The following HSPG2 variants were observed in gnomAD, a reference collection of about 807,000 sequenced individuals.
The protein encoded by HSPG2 is basement membrane-specific heparan sulfate proteoglycan core protein.
A neutral mutation model predicts 526.6 loss-of-function variants in HSPG2; 278 were observed. The ratio of observed to expected loss-of-function variants is 0.53; its 90% CI spans 0.48 to 0.58. The LOEUF (loss-of-function observed/expected upper bound fraction) is 0.58, where lower values mean the gene tolerates loss of function less well. Ranked by LOEUF, HSPG2 falls within the 20% of genes least tolerant of loss-of-function variation. The pLI, the probability that HSPG2 is intolerant of heterozygous loss-of-function variation, is 0.00. For synonymous variants in HSPG2, 2,465 were observed against 2,555.4 expected (o/e 0.96, Z 1.07); for missense variants, 5,354 against 6,099.5 (o/e 0.88, Z 4.07).
chr1:21,888,175 C>T, intron 6 of HSPG2, 109 bp from the exon 7 acceptor site: 4 of 1,480,886 alleles, frequency 2.7e-6, no homozygotes, highest in South Asian at 1.2e-5. Flanking sequence ...TGTCAGGCAG[C>T]TCGGTTTCTG....
chr1:21,829,343 C>G, intron 87 of HSPG2, 40 bp downstream of exon 87: 1 of 1,590,328 alleles, frequency 6.3e-7, no homozygotes, highest in Non-Finnish European at 8.6e-7. Context: ...GGGCACAAGG[C>G]TTGGTGTGCA....
At chr1:21,823,965 G>A (rs1284051114) in intron 95 of HSPG2, 156 bp downstream of exon 95, 4 of 838,678 alleles carry the variant, frequency 4.8e-6, no homozygotes, top group Non-Finnish European at 7.8e-6. Context: ...AGTCCGAGAT[G>A]GAAGCCCGAG....
At position 21,876,667 on chromosome 1, in the gene HSPG2, T is replaced by C. The variant is rs1377356308; in HGVS notation, c.2686-15A>G. 1 of 1,614,112 alleles carries C rather than the reference T, an allele frequency of 6.2e-7. No individual in the cohort carries two copies. Among genetic ancestry groups the C allele is most frequent in the South Asian group, 1.1e-5 (1 of 91,082 alleles). ...ACCACATTGTTCTGCAGGCACAGAG[T>C]TGGAGCTGAAGGACAGCCCATGGGA... On this transcript the variant is annotated splice_polypyrimidine_tract_variant and intron_variant, in intron 21 of 96. Transcript: ENST00000374695.
chr1:21,918,194 G>A (rs1643933390), intron 1 of HSPG2, among the ~76,000 whole-genome samples: 1 of 152,190 alleles, frequency 6.6e-6, no homozygotes, highest in Non-Finnish European at 1.5e-5. Flanking sequence ...GCCGTGTGCA[G>A]TTGCTCACGT....
intron 1 of HSPG2, among the ~76,000 whole-genome samples, chr1:21,909,663 G>A (rs1643559738): frequency 6.6e-6 from 1 of 152,230 alleles, no homozygotes; most frequent in Non-Finnish European, 1.5e-5. Flanking sequence ...AGTGATCAAA[G>A]ATTCAGGGAG....
intron 78 of HSPG2, 60 bp from the exon 79 acceptor site, chr1:21,833,674 C>A: frequency 6.2e-7 from 1 of 1,606,176 alleles, no homozygotes; most frequent in Non-Finnish European, 8.5e-7. Flanking sequence ...GGGCCCACCT[C>A]CCATCTGTGC....
At chr1:21,841,018 T>A in intron 71 of HSPG2, 83 bp downstream of exon 71, 3 of 1,285,864 alleles carry the variant, frequency 2.3e-6, no homozygotes, top group Non-Finnish European at 3.3e-6. Context: ...CACCTGCCCA[T>A]CCACTACTAT....
At chr1:21,867,263 T>C (rs1402056259) in intron 33 of HSPG2, among the ~76,000 whole-genome samples, 1 of 151,956 alleles carries the variant, frequency 6.6e-6, no homozygotes, top group Non-Finnish European at 1.5e-5. Flanking sequence ...GCCGATTTAT[T>C]TTTTTAGAGA....
At chr1:21,907,605 C>T (rs983667591) in intron 1 of HSPG2, among the ~76,000 whole-genome samples, 1 of 152,126 alleles carries the variant, frequency 6.6e-6, no homozygotes, top group Non-Finnish European at 1.5e-5. Context: ...CTCCTCAGAG[C>T]CTCCTAGGCT....
rs1209434116 is a variant in HSPG2 at position 21,835,631 on chromosome 1, C to G, written c.10362G>C (p.Gln3454His). The G allele has an allele frequency of 6.2e-7, 1 of 1,612,346 alleles. No individual in the cohort carries two copies. The highest frequency in any genetic ancestry group is 8.5e-7 in the Non-Finnish European group (1 of 1,178,478). Residue 3454 changes from glutamine (Q) to histidine (H), a missense_variant, in exon 76 of 97, where the codon CAG becomes CAC. Physicochemically the swap from Gln to His is conservative, Grantham distance 24. Transcript: ENST00000374695. The stretch of plus-strand genomic sequence containing the variant: ...TCCCTTGGCAGCTCTGGTCCAAGTT[C>G]TGGATTCTATAAAGAAAAAATAATA... ...HSVQDGVLRI[Q>H]NLDQSCQGTY...
In HSPG2 at chr1:21,852,147, G is replaced by T. The variant is rs762580745; in HGVS notation, c.6811C>A (p.Gln2271Lys). The change falls in exon 53 of 97, where the codon CAG (glutamine) becomes AAG (lysine). Residue 2271 changes from glutamine (Q) to lysine (K), a missense_variant. Transcript: ENST00000374695. ...TLDLSCVVAG[Q>K]AHAQVTWYKR... is the part of the protein sequence containing the mutation. ...TACCATGTGACCTGGGCGTGGGCCT[G>T]CCCTGCCACCACGCAGCTCAGATCC... 1 of 1,613,760 alleles carries T rather than the reference G, an allele frequency of 6.2e-7. No individual in the cohort carries two copies. The highest frequency in any genetic ancestry group is 1.3e-5 in the African/African-American group (1 of 74,938).
chr1:21,937,027 T>C (rs1569766888), intron 1 of HSPG2, 128 bp downstream of exon 1: 1 of 231,706 alleles, frequency 4.3e-6, no homozygotes, highest in Non-Finnish European at 7.1e-6. Flanking sequence ...GGCGCCGCCG[T>C]CCCGGGCCAG....
Position 21,887,232 on chromosome 1 carries a change from G to A in HSPG2, c.1061C>T (p.Thr354Ile), listed in dbSNP as rs750220578. The change falls in exon 9 of 97, where the codon ACT becomes ATT. Residue 354 changes from threonine (T) to isoleucine (I), a missense_variant. By Grantham distance (89) the Thr-to-Ile change is moderately conservative (BLOSUM62 -1). Coordinates refer to ENST00000374695, the MANE Select transcript of HSPG2 (RefSeq NM_005529.7). The surrounding 1 kb of genome is among the most constrained non-coding windows in gnomAD (Gnocchi z 5.0). ...CDGDFDCEDR[T>I]DEANCPTKRP... ...ATACTCACGGCAGTTGGCTTCATCA[G>A]TTCGGTCCTCACAGTCAAAGTCACC... is the stretch of plus-strand genomic sequence containing the variant. The A allele has an allele frequency of 6.2e-7, 1 of 1,613,516 alleles. No individual in the cohort carries two copies. The highest frequency in any genetic ancestry group is 1.7e-5 in the Admixed American group (1 of 59,886).
intron 1 of HSPG2, among the ~76,000 whole-genome samples, chr1:21,936,207 G>A (rs1644484866): frequency 1.3e-5 from 2 of 151,998 alleles, no homozygotes; most frequent in African/African-American, 4.8e-5. Flanking sequence ...CCTGCCCACC[G>A]ACCCCACCCA....
chr1:21,828,861 C>A lies in HSPG2; in HGVS notation c.12211G>T (p.Ala4071Ser), dbSNP rs761160862. 8.4e-6 allele frequency: 13 copies of A among 1,551,420 alleles called. No homozygotes were observed. The East Asian group carries it at 2.9e-4, about 35-fold the overall frequency. ...TCGCCCACACAGCCGCGGAAGTGAGCGCTCATGTTGGTGGCCGGGGACAGT... is the reference window on the plus strand; with the variant it reads ...TCGCCCACACAGCCGCGGAAGTGAGAGCTCATGTTGGTGGCCGGGGACAGT... ...VPLSPATNMS[A>S]HFRGCVGEVS... The change falls in exon 88 of 97, where the codon GCT becomes TCT. Residue 4071 changes from alanine to serine, a missense_variant. Ala to Ser is a moderately conservative substitution (Grantham distance 99). Coordinates refer to ENST00000374695, the MANE Select transcript of HSPG2 (RefSeq NM_005529.7). This position sits in a 1 kb window ranked among gnomAD's most constrained non-coding sequence, Gnocchi z 6.0.
intron 21 of HSPG2, among the ~76,000 whole-genome samples, chr1:21,877,923 A>C (rs1263621405): frequency 6.6e-6 from 1 of 152,232 alleles, no homozygotes; most frequent in African/African-American, 2.4e-5. Context: ...TGGCAAAAGC[A>C]AAGGTACAAT....
intron 52 of HSPG2, 66 bp from the exon 53 acceptor site, chr1:21,852,299 A>C: frequency 6.3e-7 from 1 of 1,584,108 alleles, no homozygotes; most frequent in Non-Finnish European, 8.7e-7. Flanking sequence ...GGGGTTGCCC[A>C]CCCTGCAGCT....
intron 71 of HSPG2, among the ~76,000 whole-genome samples, 191 bp from the exon 72 acceptor site, chr1:21,840,208 G>T (rs1457094476): frequency 6.6e-6 from 1 of 152,160 alleles, no homozygotes; most frequent in African/African-American, 2.4e-5. Flanking sequence ...GCACCATCTG[G>T]CTCATTGCAA....
chr1:21,827,999 G>A lies in HSPG2; in HGVS notation c.12532+31C>T, dbSNP rs11587688. The A allele has an allele frequency of 1.6e-3, 2,518 of 1,613,390 alleles. 29 individuals carry two copies. In the African/African-American group the frequency reaches 0.029, roughly 18 times the overall value. ...TCGAGCTCCGGGGCCCCAAGACAGA[G>A]ATGAAGTGGAGAGAAGCCAGGCCTG... On this transcript the variant is annotated intron_variant, in intron 90 of 96. Coordinates refer to ENST00000374695, the MANE Select transcript of HSPG2 (RefSeq NM_005529.7).
Sources: allele counts gnomAD v4.1 joint callset (sites outside exome capture counted in the v4.1 genomes callset), GRCh38; gene constraint gnomAD v4.1.1; non-coding constraint Gnocchi (gnomAD v3.1); transcripts MANE v1.5; gene names NCBI Gene and HGNC (gene_info 2026-07-23, HGNC 2026-07-21).